Variants in ARHGAP15 observed in about 807,000 individuals in gnomAD.
ARHGAP15 encodes the protein rho GTPase-activating protein 15.
ARHGAP15 carries 51 observed loss-of-function variants against 63.7 expected under a neutral mutation model. The observed-to-expected ratio is 0.80, with a 90% CI of 0.64 to 1.01. The LOEUF (loss-of-function observed/expected upper bound fraction) is 1.01, where lower values mean the gene tolerates loss of function less well. ARHGAP15 is among the 50% of genes least tolerant of loss of function. ARHGAP15 has a pLI of 0.00. For missense variants in ARHGAP15, 560 were observed against 564.6 expected, an observed-to-expected ratio of 0.99 and a Z score of 0.08; for synonymous variants, 191 against 193.8, an observed-to-expected ratio of 0.99 and a Z score of 0.12.
At chr2:143,657,287 C>T (rs1016555655) in intron 12 of ARHGAP15, among the ~76,000 whole-genome samples, 2 of 152,164 alleles carry the variant, frequency 1.3e-5, no homozygotes, top group Non-Finnish European at 2.9e-5. Context: ...GCGGAGCTTG[C>T]AGTGAGCCGA....
chr2:143,637,322 A>G (rs779875116), intron 12 of ARHGAP15, among the ~76,000 whole-genome samples: 12 of 152,076 alleles, frequency 7.9e-5, no homozygotes, highest in Non-Finnish European at 1.6e-4. Context: ...TATTAATATT[A>G]TACTATTGGG....
chr2:143,611,118 T>G (rs1272436359), intron 11 of ARHGAP15, among the ~76,000 whole-genome samples: 1 of 152,144 alleles, frequency 6.6e-6, no homozygotes, highest in Non-Finnish European at 1.5e-5. Context: ...AGCTGATTTG[T>G]TTAGATGCTG....
chr2:143,285,227 G>C (rs1227312145), intron 6 of ARHGAP15, among the ~76,000 whole-genome samples: 1 of 151,964 alleles, frequency 6.6e-6, no homozygotes, highest in African/African-American at 2.4e-5. Flanking sequence ...AATACTAATT[G>C]AGAAAATTAA....
At chr2:143,673,142 A>G (rs11677892) in intron 12 of ARHGAP15, among the ~76,000 whole-genome samples, 44,078 of 152,076 alleles carry the variant, frequency 0.29, 7,902 homozygotes, top group Admixed American at 0.4. Flanking sequence ...AAATTAAAAA[A>G]AAGAAAACCT....
chr2:143,762,060 C>G lies in ARHGAP15; in HGVS notation c.1245-5929C>G, dbSNP rs545558773. 8.5e-4 allele frequency among the ~76,000 whole-genome samples: 130 copies of G among 152,192 alleles called. 1 individual carries two copies. The South Asian group carries it at 0.025, about 29-fold the overall frequency. ...AAAACTAAGCAGTATAAATAAATAG[C>G]CTTTTTCAAGAATTGCAGTTTGGGG... On this transcript the variant is annotated intron_variant, in intron 13 of 13. Transcript: ENST00000295095.
Position 143,287,725 on chromosome 2 carries a change from C to T in ARHGAP15, c.474+37125C>T, listed in dbSNP as rs980629539. Among the ~76,000 whole-genome samples, 24 of 151,994 alleles carry T rather than the reference C, an allele frequency of 1.6e-4. 1 individual carries two copies. Among genetic ancestry groups the T allele is most frequent in the Non-Finnish European group, 3.5e-4 (24 of 67,996 alleles). On this transcript the variant is annotated intron_variant, in intron 6 of 13. Transcript: ENST00000295095. ...GGGTGAGGCAGGAGAATTGCTTGCA[C>T]CCAGGAGGTGGAGGTTGCAGTAAGC...
chr2:143,477,515 A>G (rs1164036158), intron 8 of ARHGAP15, among the ~76,000 whole-genome samples: 2 of 152,112 alleles, frequency 1.3e-5, no homozygotes, highest in Non-Finnish European at 2.9e-5. Context: ...TTTTTCCTAT[A>G]TCAGAACATT....
chr2:143,411,977 A>G (rs1240121953), intron 6 of ARHGAP15, among the ~76,000 whole-genome samples: 1 of 152,224 alleles, frequency 6.6e-6, no homozygotes, highest in African/African-American at 2.4e-5. Context: ...TCAAAGGCAC[A>G]GAGCAAGAGG....
intron 13 of ARHGAP15, among the ~76,000 whole-genome samples, chr2:143,752,658 G>T (rs111444005): frequency 9.2e-5 from 14 of 152,170 alleles, no homozygotes; most frequent in African/African-American, 2.9e-4. Flanking sequence ...TTGGCATCCA[G>T]GGCATTGTTA....
intron 8 of ARHGAP15, among the ~76,000 whole-genome samples, chr2:143,485,386 C>T (rs1176291128): frequency 6.6e-6 from 1 of 152,080 alleles, no homozygotes; most frequent in African/African-American, 2.4e-5. Flanking sequence ...AAATAGATAG[C>T]TCATGACAAA....
chr2:143,137,083 A>C (rs753462676), intron 1 of ARHGAP15, among the ~76,000 whole-genome samples: 3 of 152,068 alleles, frequency 2.0e-5, no homozygotes, highest in African/African-American at 4.8e-5. Context: ...CCAAATGACT[A>C]TTATACTTCA....
At chr2:143,302,886 A>C (rs1301266774) in intron 6 of ARHGAP15, among the ~76,000 whole-genome samples, 1 of 151,986 alleles carries the variant, frequency 6.6e-6, no homozygotes, top group Non-Finnish European at 1.5e-5. Context: ...GAAGATAAAT[A>C]TAATAATTCT....
chr2:143,535,261 G>A (rs944285025), intron 10 of ARHGAP15, among the ~76,000 whole-genome samples: 1 of 152,014 alleles, frequency 6.6e-6, no homozygotes, highest in Non-Finnish European at 1.5e-5. Context: ...TTCCCTTTCT[G>A]TTCCTCTCCC....
rs368119245 is a variant in ARHGAP15 at position 143,323,729 on chromosome 2, C to CA, written c.474+73137dup. Among the ~76,000 whole-genome samples, 751 of 150,730 alleles carry CA rather than the reference C, an allele frequency of 5.0e-3. 6 individuals carry two copies. Among genetic ancestry groups the CA allele is most frequent in the African/African-American group, 0.017 (694 of 41,072 alleles). On this transcript the variant is annotated intron_variant, in intron 6 of 13. Transcript: ENST00000295095. ...TGAAACCCTGTCTCTACTAAAAATA[C>CA]AAAAAAAATCAGCCGGGCGTTGTGG... is the stretch of plus-strand genomic sequence containing the variant.
chr2:143,525,624 T>G (rs2105000296), intron 10 of ARHGAP15, among the ~76,000 whole-genome samples: 1 of 152,230 alleles, frequency 6.6e-6, no homozygotes, highest in Non-Finnish European at 1.5e-5. Context: ...GTTTTGTGTT[T>G]TGTTCTGTTT....
intron 13 of ARHGAP15, among the ~76,000 whole-genome samples, chr2:143,705,734 T>C (rs993850139): frequency 1.3e-5 from 2 of 152,264 alleles, no homozygotes; most frequent in Admixed American, 1.3e-4. Context: ...TTCCCTTTTT[T>C]TTCAACTGAA....
chr2:143,148,730 A>G (rs1356096041), intron 1 of ARHGAP15, among the ~76,000 whole-genome samples: 1 of 152,028 alleles, frequency 6.6e-6, no homozygotes, highest in Admixed American at 6.6e-5. Context: ...CTATGGTCAC[A>G]TTCCTTTACT....
chr2:143,342,252 G>C (rs1685090299), intron 6 of ARHGAP15, among the ~76,000 whole-genome samples: 1 of 152,042 alleles, frequency 6.6e-6, no homozygotes, highest in African/African-American at 2.4e-5. Context: ...GGTATTGCTA[G>C]TGTTTTCTCA....
intron 2 of ARHGAP15, among the ~76,000 whole-genome samples, chr2:143,174,156 ATATAT>A (rs1690916511): frequency 6.6e-6 from 1 of 152,142 alleles, no homozygotes; most frequent in Non-Finnish European, 1.5e-5. Context: ...CTGGTGGATT[ATATAT>A]TATATTAATT....
Sources: gnomAD v4.1 joint callset for allele counts (sites outside exome capture counted in the v4.1 genomes callset) on GRCh38, gnomAD v4.1.1 for gene constraint, MANE v1.5 for transcripts, NCBI Gene and HGNC (gene_info 2026-07-23, HGNC 2026-07-21) for gene names.